Variants in SDK1 observed in about 807,000 individuals in gnomAD.
SDK1 encodes sidekick cell adhesion molecule 1.
SDK1 carries 157 observed loss-of-function variants against 245.5 expected under a neutral mutation model. The ratio of observed to expected loss-of-function variants is 0.64; its 90% CI spans 0.56 to 0.73. SDK1 has a LOEUF of 0.73. Among genes scored for constraint, SDK1 ranks in the 30% least tolerant of loss-of-function variants. SDK1 has a pLI of 0.00. For synonymous variants in SDK1, 1,647 were observed against 1,278.5 expected (o/e 1.29, Z -6.15); for missense variants, 3,583 against 3,002.3 (o/e 1.19, Z -4.52).
At chr7:4,099,847 C>T (rs1016720064) in intron 22 of SDK1, among the ~76,000 whole-genome samples, 1 of 151,682 alleles carries the variant, frequency 6.6e-6, no homozygotes, top group African/African-American at 2.4e-5. Context: ...TATCTAAAAG[C>T]ACCCCTAAGA....
intron 11 of SDK1, among the ~76,000 whole-genome samples, chr7:3,970,336 TC>T (rs1459269050): frequency 6.6e-6 from 1 of 152,244 alleles, no homozygotes; most frequent in Non-Finnish European, 1.5e-5. Flanking sequence ...AAACGACTCT[TC>T]CTAATTTGTA....
chr7:4,015,806 T>A (rs1212178299), intron 16 of SDK1, among the ~76,000 whole-genome samples: 1 of 152,208 alleles, frequency 6.6e-6, no homozygotes, highest in East Asian at 1.9e-4. Flanking sequence ...GGAGGCCCGG[T>A]ACCTTCTTGC....
At chr7:4,160,887 G>A (rs1407355768) in intron 31 of SDK1, among the ~76,000 whole-genome samples, 1 of 152,184 alleles carries the variant, frequency 6.6e-6, no homozygotes, top group Non-Finnish European at 1.5e-5. Context: ...CAGGTCCAGA[G>A]GAAAATCACA....
At chr7:4,149,937 G>C (rs886770234) in intron 30 of SDK1, among the ~76,000 whole-genome samples, 6 of 152,178 alleles carry the variant, frequency 3.9e-5, no homozygotes, top group African/African-American at 1.4e-4. Flanking sequence ...CTTAGTGATG[G>C]CTGGGGAAGA....
At chr7:3,791,596 G>T (rs1009341956) in intron 4 of SDK1, among the ~76,000 whole-genome samples, 1 of 152,130 alleles carries the variant, frequency 6.6e-6, no homozygotes, top group Non-Finnish European at 1.5e-5. Flanking sequence ...AGACCGAGTG[G>T]GATGGTACCA....
At chr7:4,091,510 T>G (rs1159444806) in intron 22 of SDK1, among the ~76,000 whole-genome samples, 1 of 151,864 alleles carries the variant, frequency 6.6e-6, no homozygotes, top group East Asian at 2.0e-4. Flanking sequence ...ACCTGGCTAA[T>G]TTTTGTATTT....
At chr7:4,091,387 G>T (rs1406342714) in intron 22 of SDK1, among the ~76,000 whole-genome samples, 1 of 131,432 alleles carries the variant, frequency 7.6e-6, no homozygotes, top group Non-Finnish European at 1.5e-5. Flanking sequence ...CTGTCACCCA[G>T]GCTGGAGTGC....
chr7:3,582,333 G>C lies in SDK1; in HGVS notation c.299-36747G>C, dbSNP rs376390677. Among the ~76,000 whole-genome samples the C allele has an allele frequency of 3.1e-3, 403 of 130,966 alleles. 1 individual carries two copies. Among genetic ancestry groups the C allele is most frequent in the East Asian group, 8.3e-3 (32 of 3,834 alleles). 85.9% of individuals were successfully genotyped at this position (130,966 alleles called of 152,430 possible). On this transcript the variant is annotated intron_variant, in intron 1 of 44. Transcript: ENST00000404826. ...AGGTAGGTCTGTCTCAGGTAGGTCT[G>C]TCTCAGGTAGGTCTCCCTCAGGTAG... is the stretch of plus-strand genomic sequence containing the variant.
intron 38 of SDK1, among the ~76,000 whole-genome samples, chr7:4,214,780 T>C (rs1413163973): frequency 6.6e-6 from 1 of 152,136 alleles, no homozygotes; most frequent in Admixed American, 6.5e-5. Flanking sequence ...CCCCACCCAA[T>C]GGCCTTATAG....
intron 5 of SDK1, among the ~76,000 whole-genome samples, chr7:3,825,199 A>C (rs1779740504): frequency 1.3e-5 from 2 of 152,066 alleles, no homozygotes; most frequent in Admixed American, 1.3e-4. Context: ...AGACCCGGGA[A>C]AGCTTTATGA....
intron 1 of SDK1, among the ~76,000 whole-genome samples, chr7:3,432,338 C>G (rs142453556): frequency 1.3e-5 from 2 of 151,920 alleles, no homozygotes; most frequent in African/African-American, 2.4e-5. Context: ...TCAAGAATGA[C>G]TGTAGGCAGT....
rs1472139841 is a variant in SDK1 at position 4,026,650 on chromosome 7, C to A, written c.2602+9298C>A. On this transcript the variant is annotated intron_variant, in intron 17 of 44. Coordinates refer to ENST00000404826, the MANE Select transcript of SDK1 (RefSeq NM_152744.4). The surrounding 1 kb of genome is among the most constrained non-coding windows in gnomAD (Gnocchi z 4.1). ...GTGTTAAAGTATTTTCTTCTGAAGG[C>A]CATCAGAAAAGAAACTTGAGCTTAT... 6.6e-6 allele frequency among the ~76,000 whole-genome samples: 1 copy of A among 152,160 alleles called. No individual in the cohort carries two copies. Among genetic ancestry groups the A allele is most frequent in the Non-Finnish European group, 1.5e-5 (1 of 68,040 alleles).
At chr7:3,371,318 A>C (rs201286593) in intron 1 of SDK1, among the ~76,000 whole-genome samples, 1 of 152,188 alleles carries the variant, frequency 6.6e-6, no homozygotes, top group East Asian at 1.9e-4. Flanking sequence ...TCTCCTAGTC[A>C]AAACGCTGAG....
At chr7:4,251,907 G>C (rs551924522) in intron 44 of SDK1, among the ~76,000 whole-genome samples, 2 of 152,244 alleles carry the variant, frequency 1.3e-5, no homozygotes, top group Admixed American at 6.5e-5. Context: ...CGAAAGGTTT[G>C]GAGTTTTGTC....
intron 2 of SDK1, among the ~76,000 whole-genome samples, chr7:3,634,834 C>G (rs758462644): frequency 9.2e-5 from 14 of 152,124 alleles, no homozygotes; most frequent in Non-Finnish European, 1.3e-4. Flanking sequence ...ATTTCTGCTT[C>G]TTGTTTGAAA....
chr7:3,642,029 C>G lies in SDK1; in HGVS notation c.637C>G (p.Leu213Val), dbSNP rs1487789409. The change falls in exon 4 of 45, where the codon CTG becomes GTG. Residue 213 changes from leucine (L) to valine (V), a missense_variant. Transcript: ENST00000404826. ...AGGACGTGCAGCGATTCTAAACCTG[C>G]TGCCCATCACCAGCTACCCCAGACC... ...SQGRAAILNL[L>V]PITSYPRPQV... 6.2e-7 allele frequency: 1 copy of G among 1,613,864 alleles called. No individual in the cohort carries two copies. Among genetic ancestry groups the G allele is most frequent in the East Asian group, 2.2e-5 (1 of 44,882 alleles).
chr7:3,718,537 AAATAAATAAATAAATAAATAAAT>A (rs1403281661), intron 4 of SDK1, among the ~76,000 whole-genome samples: 26 of 1,482 alleles, frequency 0.018, no homozygotes, highest in African/African-American at 0.035. Flanking sequence ...ATAAATAAAT[AAATAAATAAATAAATAAATAAAT>A]AAATAAATAA....
At chr7:3,905,776 C>G (rs1403408082) in intron 5 of SDK1, among the ~76,000 whole-genome samples, 1 of 151,848 alleles carries the variant, frequency 6.6e-6, no homozygotes, top group Non-Finnish European at 1.5e-5. Context: ...ACACATGCCA[C>G]TATCCCTGGC....
intron 1 of SDK1, among the ~76,000 whole-genome samples, chr7:3,323,730 A>G (rs117100899): frequency 0.018 from 2,779 of 152,310 alleles, 38 homozygotes; most frequent in Non-Finnish European, 0.025. Context: ...CACCTTAATT[A>G]TTTCCCTGCC....
Sources: gnomAD v4.1 joint callset for allele counts (sites outside exome capture counted in the v4.1 genomes callset) on GRCh38, gnomAD v4.1.1 for gene constraint, Gnocchi (gnomAD v3.1) non-coding constraint, MANE v1.5 for transcripts, NCBI Gene and HGNC (gene_info 2026-07-23, HGNC 2026-07-21) for gene names.